NFATC2: variants seen among roughly 807,000 people sequenced by gnomAD.
NFATC2 encodes nuclear factor of activated T-cells, cytoplasmic 2.
In NFATC2, 22 loss-of-function variants were observed where a neutral mutation model predicts 87.3. The observed-to-expected ratio is 0.25, with a 90% CI of 0.18 to 0.36. The LOEUF is 0.36. Ranked by LOEUF, NFATC2 falls within the 10% of genes least tolerant of loss-of-function variation. The probability of loss-of-function intolerance (pLI) is 1.00; values close to 1 mark genes in which losing one functional copy is unlikely to be tolerated. For synonymous variants in NFATC2, 565 were observed against 542.2 expected (o/e 1.04, Z -0.58); for missense variants, 1,149 against 1,259.1 (o/e 0.91, Z 1.32).
intron 3 of NFATC2, among the ~76,000 whole-genome samples, chr20:51,476,795 G>A (rs1487648525): frequency 6.6e-6 from 1 of 152,152 alleles, no homozygotes; most frequent in Non-Finnish European, 1.5e-5. Flanking sequence ...GAAAACAAAT[G>A]ACCAGTTTGA....
intron 1 of NFATC2, among the ~76,000 whole-genome samples, chr20:51,536,232 C>T (rs1438592666): frequency 1.3e-5 from 2 of 152,146 alleles, no homozygotes; most frequent in African/African-American, 2.4e-5. Context: ...CACATCCCAC[C>T]GTACATGAGA....
intron 2 of NFATC2, among the ~76,000 whole-genome samples, chr20:51,517,919 A>G (rs1259567029): frequency 6.6e-6 from 1 of 151,828 alleles, no homozygotes; most frequent in African/African-American, 2.4e-5. Context: ...TCTCAAAAAA[A>G]AAAAAAAACA....
At position 51,523,423 on chromosome 20, in the gene NFATC2, C is replaced by G; in HGVS notation, c.818G>C (p.Arg273Pro). 1 of 1,608,348 alleles carries G rather than the reference C, an allele frequency of 6.2e-7. No homozygotes were observed. Among genetic ancestry groups the G allele is most frequent in the Non-Finnish European group, 8.5e-7 (1 of 1,177,266 alleles). ...LPPGASPQRSRSPSPQPSSHV... is the reference protein window; with the variant it reads ...LPPGASPQRSPSPSPQPSSHV... ...AGATGAGGGCTGCGGCGAGGGGCTC[C>G]GGGAGCGCTGGGGTGAGGCTCCGGG... The change falls in exon 2 of 11, where the codon CGG (arginine) becomes CCG (proline). Residue 273 changes from arginine (R) to proline (P), a missense_variant. By Grantham distance (103) the Arg-to-Pro change is moderately radical. Transcript: ENST00000371564. This position sits in a 1 kb window ranked among gnomAD's most constrained non-coding sequence, Gnocchi z 6.9.
intron 3 of NFATC2, among the ~76,000 whole-genome samples, chr20:51,484,359 C>A (rs563610522): frequency 1.3e-5 from 2 of 152,290 alleles, no homozygotes; most frequent in East Asian, 1.9e-4. Flanking sequence ...CCTCCACACA[C>A]CCTGCCTTAA....
At chr20:51,478,050 G>A (rs1988909438) in intron 3 of NFATC2, among the ~76,000 whole-genome samples, 1 of 152,158 alleles carries the variant, frequency 6.6e-6, no homozygotes, top group African/African-American at 2.4e-5. Flanking sequence ...AAGATGGCAT[G>A]CTCATGTCCC....
chr20:51,513,877 T>G (rs1302334625), intron 3 of NFATC2, among the ~76,000 whole-genome samples: 1 of 152,246 alleles, frequency 6.6e-6, no homozygotes, highest in African/African-American at 2.4e-5. Flanking sequence ...CTTCAGGCTT[T>G]TTCTGCACAA....
intron 9 of NFATC2, among the ~76,000 whole-genome samples, chr20:51,431,625 C>T (rs1371233243): frequency 6.6e-6 from 1 of 152,150 alleles, no homozygotes; most frequent in Non-Finnish European, 1.5e-5. Flanking sequence ...TCCTCCCTCT[C>T]CCTCCCTCAA....
chr20:51,527,258 G>A (rs2076559802), intron 1 of NFATC2, among the ~76,000 whole-genome samples: 1 of 152,040 alleles, frequency 6.6e-6, no homozygotes, highest in African/African-American at 2.4e-5. Context: ...GGTACTTGCT[G>A]CTCCCCCTGC....
At position 51,389,028 on chromosome 20, in the gene NFATC2, T is replaced by C. The variant is rs535679222; in HGVS notation, c.*2468A>G. 6.6e-6 allele frequency: 1 copy of C among 152,366 alleles called. No homozygotes were observed. Among genetic ancestry groups the C allele is most frequent in the African/African-American group, 2.4e-5 (1 of 41,578 alleles). The allele number at this position is 152,366 out of a possible 1,614,324, so 9.4% of individuals were successfully genotyped here. A position where few individuals can be genotyped will look rare whatever the true frequency, so the allele number is the denominator to read the frequency against. On this transcript the variant is annotated 3_prime_UTR_variant, in exon 11 of 11. Transcript: ENST00000371564. ...CCTAATACACTTTCTCTTGCCTGTTTATGTCTCAAATCTAATGCTTTTGTT... is the reference window on the plus strand; with the variant it reads ...CCTAATACACTTTCTCTTGCCTGTTCATGTCTCAAATCTAATGCTTTTGTT...
chr20:51,543,478 A>G (rs948945301), upstream of NFATC2, among the ~76,000 whole-genome samples: 4 of 152,302 alleles, frequency 2.6e-5, 1 homozygote, highest in Middle Eastern at 6.8e-3. Context: ...ACATTTGAAG[A>G]AACCTGATTG....
chr20:51,452,498 G>T (rs1985924641), intron 6 of NFATC2, among the ~76,000 whole-genome samples: 1 of 152,116 alleles, frequency 6.6e-6, no homozygotes, highest in Admixed American at 6.5e-5. Flanking sequence ...CCAGGATCTG[G>T]TTTCTTAGTC....
chr20:51,486,307 A>G (rs890331849), intron 3 of NFATC2, among the ~76,000 whole-genome samples: 3 of 151,760 alleles, frequency 2.0e-5, no homozygotes, highest in African/African-American at 7.3e-5. Context: ...CATCTCCCCA[A>G]CTCCAGTCCA....
intron 9 of NFATC2, among the ~76,000 whole-genome samples, chr20:51,419,677 A>G (rs1194685378): frequency 2.0e-5 from 3 of 152,078 alleles, no homozygotes; most frequent in Non-Finnish European, 4.4e-5. Context: ...AATCCTCCCA[A>G]TAACCTCCCC....
At chr20:51,426,727 A>G (rs1192345571) in intron 9 of NFATC2, among the ~76,000 whole-genome samples, 2 of 152,244 alleles carry the variant, frequency 1.3e-5, no homozygotes, top group East Asian at 3.9e-4. Flanking sequence ...AAAAGGCAAC[A>G]TGAATCTCTG....
chr20:51,475,403 T>C (rs925583852), intron 4 of NFATC2, 55 bp downstream of exon 4: 14 of 1,575,746 alleles, frequency 8.9e-6, no homozygotes, highest in Non-Finnish European at 1.1e-5. Context: ...CCCTGCCACC[T>C]GCCCCCTGCT....
chr20:51,508,947 C>T (rs947770375), intron 3 of NFATC2, among the ~76,000 whole-genome samples: 1 of 152,108 alleles, frequency 6.6e-6, no homozygotes, highest in Non-Finnish European at 1.5e-5. Context: ...CTACGTCAAG[C>T]CAGGCCCTCC....
chr20:51,399,898 C>A (rs533194584), intron 9 of NFATC2, among the ~76,000 whole-genome samples: 2 of 152,320 alleles, frequency 1.3e-5, no homozygotes, highest in East Asian at 3.9e-4. Flanking sequence ...ATGTTTTTAA[C>A]CCAGACCATC....
intron 1 of NFATC2, among the ~76,000 whole-genome samples, chr20:51,540,647 GTTT>G (rs375172598): frequency 2.7e-5 from 3 of 112,974 alleles, no homozygotes; most frequent in African/African-American, 1.3e-4. Flanking sequence ...AAAAACTGAA[GTTT>G]TTTTTTTGTT....
chr20:51,427,310 T>TC (rs1981983278), intron 9 of NFATC2, among the ~76,000 whole-genome samples: 1 of 152,072 alleles, frequency 6.6e-6, no homozygotes, highest in Non-Finnish European at 1.5e-5. Flanking sequence ...GAGTCCACTT[T>TC]CCCCAGCGCC....
Sources: allele counts gnomAD v4.1 joint callset (sites outside exome capture counted in the v4.1 genomes callset), GRCh38; gene constraint gnomAD v4.1.1; non-coding constraint Gnocchi (gnomAD v3.1); transcripts MANE v1.5; gene names NCBI Gene and HGNC (gene_info 2026-07-23, HGNC 2026-07-21).